RANBP2: variants seen among roughly 807,000 people sequenced by gnomAD.
RANBP2 encodes the protein E3 SUMO-protein ligase RanBP2.
Under a neutral mutation model 303.6 loss-of-function variants are expected in RANBP2, and 57 were observed. That is an observed-to-expected ratio of 0.19 (90% CI 0.15 to 0.23). The LOEUF (loss-of-function observed/expected upper bound fraction) is 0.23. Ranked by LOEUF, RANBP2 falls within the 10% of genes least tolerant of loss-of-function variation. The pLI, the probability that RANBP2 is intolerant of heterozygous loss-of-function variation, is 1.00. For synonymous variants in RANBP2, 1,167 were observed against 1,301.5 expected (o/e 0.90, Z 2.23); for missense variants, 3,138 against 3,780.8 (o/e 0.83, Z 4.46).
chr2:109,050,753 A>G, the RANBP2 span, among the ~76,000 whole-genome samples: 10 of 151,836 alleles, frequency 6.6e-5, 1 homozygote. Flanking sequence ...GTCTTACAAT[A>G]CTAGAAAATG....
At chr2:109,392,977 C>T in the RANBP2 span, among the ~76,000 whole-genome samples, 1 of 152,192 alleles carries the variant, frequency 6.6e-6, no homozygotes, top group African/African-American at 2.4e-5. Context: ...CCCTCTCCAC[C>T]GCCCCTGCTT....
rs757637271 is a variant in RANBP2, at chr2:108,753,456, G to A, written c.1948G>A (p.Ala650Thr). The A allele has an allele frequency of 5.6e-6, 9 of 1,611,800 alleles. No individual in the cohort carries two copies. In the Admixed American group the frequency reaches 6.7e-5, roughly 12 times the overall value. Reference protein sequence around the residue: ...ASEIVEYEEDAHITFAILDAV... With the variant: ...ASEIVEYEEDTHITFAILDAV... ...AGAAATTGTTGAATATGAAGAAGACGCACACATAACTTTTGCTATATTGGA... is the reference window on the plus strand; with the variant it reads ...AGAAATTGTTGAATATGAAGAAGACACACACATAACTTTTGCTATATTGGA... Residue 650 changes from alanine (A) to threonine (T), a missense_variant, in exon 14 of 29, where the codon GCA becomes ACA. Physicochemically the swap from Ala to Thr is moderately conservative, Grantham distance 58. Coordinates refer to ENST00000283195, the MANE Select transcript of RANBP2 (RefSeq NM_006267.5).
the RANBP2 span, among the ~76,000 whole-genome samples, chr2:108,936,723 C>A: frequency 2.6e-5 from 4 of 152,220 alleles, no homozygotes; most frequent in Admixed American, 6.5e-5. Context: ...ATTTACAGCT[C>A]TGAATCTTCC....
chr2:109,525,439 C>T, the RANBP2 span, among the ~76,000 whole-genome samples: 2 of 152,190 alleles, frequency 1.3e-5, no homozygotes, highest in South Asian at 2.1e-4. Context: ...GCTGGGATTA[C>T]AGGCATGAGC....
At chr2:109,755,222 A>G in the RANBP2 span, among the ~76,000 whole-genome samples, 37 of 131,362 alleles carry the variant, frequency 2.8e-4, 4 homozygotes, top group African/African-American at 1.1e-3. Flanking sequence ...AGCCACTTGT[A>G]CTTCTACACA....
intron 7 of RANBP2, among the ~76,000 whole-genome samples, chr2:108,745,134 T>C (rs1008935951): frequency 9.3e-5 from 14 of 151,250 alleles, no homozygotes; most frequent in African/African-American, 3.4e-4. Context: ...TTTTTTTTAA[T>C]GCTACTTCAA....
the RANBP2 span, among the ~76,000 whole-genome samples, chr2:109,387,420 C>G: frequency 6.6e-6 from 1 of 152,196 alleles, no homozygotes; most frequent in African/African-American, 2.4e-5. Context: ...TCACCCCCAC[C>G]TTATTTCTGC....
chr2:109,140,752 G>A, the RANBP2 span, among the ~76,000 whole-genome samples: 1 of 152,144 alleles, frequency 6.6e-6, no homozygotes, highest in South Asian at 2.1e-4. Flanking sequence ...TGCTCTACAC[G>A]TGGTTAATAG....
chr2:109,083,751 C>T, the RANBP2 span, among the ~76,000 whole-genome samples: 1 of 152,088 alleles, frequency 6.6e-6, no homozygotes, highest in South Asian at 2.1e-4. Context: ...GTGGCTGCAC[C>T]CTCTTACATT....
the RANBP2 span, among the ~76,000 whole-genome samples, chr2:109,073,180 A>G: frequency 6.6e-6 from 1 of 152,330 alleles, no homozygotes; most frequent in African/African-American, 2.4e-5. Flanking sequence ...ATGCATGAAT[A>G]AAGTGAGAAT....
chr2:109,178,691 A>G, the RANBP2 span, among the ~76,000 whole-genome samples: 7 of 152,310 alleles, frequency 4.6e-5, no homozygotes, highest in South Asian at 8.3e-4. Context: ...CACTTTGTCA[A>G]AGTTCTTGTG....
the RANBP2 span, among the ~76,000 whole-genome samples, chr2:108,982,406 G>A: frequency 2.6e-5 from 4 of 152,230 alleles, no homozygotes; most frequent in African/African-American, 7.2e-5. Flanking sequence ...TGATGCCGTG[G>A]GAGGCATGCA....
chr2:108,881,008 T>C, the RANBP2 span, among the ~76,000 whole-genome samples: 1 of 152,220 alleles, frequency 6.6e-6, no homozygotes, highest in African/African-American at 2.4e-5. Flanking sequence ...TACTCACGAA[T>C]GACTTTGAGG....
At chr2:108,878,156 A>C in the RANBP2 span, among the ~76,000 whole-genome samples, 2 of 152,376 alleles carry the variant, frequency 1.3e-5, no homozygotes, top group East Asian at 3.9e-4. Flanking sequence ...AGCACTGAAC[A>C]CTGAAACAAC....
At chr2:109,699,025 C>T in the RANBP2 span, among the ~76,000 whole-genome samples, 1 of 152,134 alleles carries the variant, frequency 6.6e-6, no homozygotes, top group Non-Finnish European at 1.5e-5. Flanking sequence ...GGGTGTAAGG[C>T]GGCCTTTGTT....
chr2:109,251,011 A>T, the RANBP2 span, among the ~76,000 whole-genome samples: 2,622 of 150,662 alleles, frequency 0.017, 81 homozygotes, highest in African/African-American at 0.06. Flanking sequence ...TTATTTATTT[A>T]TTTTTTTTGA....
At chr2:109,684,733 C>T in the RANBP2 span, among the ~76,000 whole-genome samples, 21 of 151,532 alleles carry the variant, frequency 1.4e-4, no homozygotes, top group Non-Finnish European at 2.9e-4. Context: ...CAGGGTTTCA[C>T]CATGTTGGCC....
At chr2:109,300,183 G>A in the RANBP2 span, among the ~76,000 whole-genome samples, 8 of 152,156 alleles carry the variant, frequency 5.3e-5, no homozygotes, top group East Asian at 1.4e-3. Flanking sequence ...ATATGCTCTC[G>A]AGAGGGCATC....
chr2:109,767,086 C>T, the RANBP2 span, among the ~76,000 whole-genome samples: 1 of 143,840 alleles, frequency 7.0e-6, no homozygotes, highest in African/African-American at 2.6e-5. Context: ...AATGACAGCA[C>T]TTAGACTGGC....
Sources: gnomAD v4.1 joint callset for allele counts (sites outside exome capture counted in the v4.1 genomes callset) on GRCh38, gnomAD v4.1.1 for gene constraint, MANE v1.5 for transcripts, NCBI Gene and HGNC (gene_info 2026-07-23, HGNC 2026-07-21) for gene names.